The following SNTB1 variants were observed in gnomAD, a reference collection of about 807,000 sequenced individuals.
The protein encoded by SNTB1 is syntrophin beta 1.
In SNTB1, 36 loss-of-function variants were observed where a neutral mutation model predicts 48.9. The ratio of observed to expected loss-of-function variants is 0.74; its 90% CI spans 0.56 to 0.97. SNTB1 has a LOEUF of 0.97. Ranked by LOEUF, SNTB1 falls within the 50% of genes least tolerant of loss-of-function variation. The probability of loss-of-function intolerance (pLI) is 0.00; values close to 1 mark genes in which losing one functional copy is unlikely to be tolerated. For missense variants in SNTB1, 786 were observed against 703.4 expected (o/e 1.12, Z -1.33); for synonymous variants, 299 against 294.6 (o/e 1.01, Z -0.15).
At chr8:120,693,607 A>T in intron 2 of SNTB1, 85 bp downstream of exon 2, 1 of 1,130,886 alleles carries the variant, frequency 8.8e-7, no homozygotes, top group African/African-American at 1.5e-5. Context: ...TTTTCAGAAC[A>T]TGAGGGCAAT....
chr8:120,659,103 A>C, intron 2 of SNTB1, among the ~76,000 whole-genome samples: 1 of 151,998 alleles, frequency 6.6e-6, no homozygotes, highest in Non-Finnish European at 1.5e-5. Flanking sequence ...AGCTGGGACT[A>C]TAGGCGCACG....
At chr8:120,582,302 G>A (rs1255223023) in intron 3 of SNTB1, among the ~76,000 whole-genome samples, 1 of 151,700 alleles carries the variant, frequency 6.6e-6, no homozygotes, top group Non-Finnish European at 1.5e-5. Context: ...AGAAGAAATG[G>A]GCAATTAATG....
chr8:120,607,657 G>A (rs1464717631), intron 3 of SNTB1, among the ~76,000 whole-genome samples: 1 of 152,172 alleles, frequency 6.6e-6, no homozygotes, highest in Admixed American at 6.5e-5. Flanking sequence ...CATTTTAAAT[G>A]AGTAGCTGAA....
chr8:120,628,950 G>A (rs1459418523), intron 3 of SNTB1, among the ~76,000 whole-genome samples: 1 of 152,050 alleles, frequency 6.6e-6, no homozygotes. Flanking sequence ...CTTGAGTCCA[G>A]GAGTTCCAGC....
chr8:120,729,475 G>A (rs1818817294), intron 1 of SNTB1, among the ~76,000 whole-genome samples: 1 of 152,164 alleles, frequency 6.6e-6, no homozygotes, highest in Non-Finnish European at 1.5e-5. Flanking sequence ...ATATATATGT[G>A]CTTGTATATG....
At chr8:120,640,344 T>C (rs1250222438) in intron 2 of SNTB1, among the ~76,000 whole-genome samples, 1 of 152,244 alleles carries the variant, frequency 6.6e-6, no homozygotes, top group East Asian at 1.9e-4. Flanking sequence ...TTTGACTTCA[T>C]CATTTCCTAA....
chr8:120,592,256 G>A (rs1180408343), intron 3 of SNTB1, among the ~76,000 whole-genome samples: 1 of 151,934 alleles, frequency 6.6e-6, no homozygotes, highest in Admixed American at 6.6e-5. Context: ...ATCACGGCAT[G>A]CTGCAGCCTC....
Position 120,811,827 on chromosome 8 carries a change from G to A in SNTB1, c.17C>T (p.Ala6Val), listed in dbSNP as rs770137703. MAVAA[A>V]AAAAGPAGAG... ...GCCAGCCGGCCCAGCCGCCGCCGCC[G>A]CCGCCGCTACCGCCATCTTTCCGGC... The change falls in exon 1 of 7, where the codon GCG becomes GTG. Residue 6 changes from alanine to valine, a missense_variant. Transcript: ENST00000517992. 1.5e-6 allele frequency: 2 copies of A among 1,349,940 alleles called. No homozygotes were observed. The highest frequency in any genetic ancestry group is 2.1e-5 in the South Asian group (1 of 47,086). 83.6% of individuals were successfully genotyped at this position (1,349,940 alleles called of 1,614,324 possible). A position where few individuals can be genotyped will look rare whatever the true frequency, so the allele number is the denominator to read the frequency against.
At chr8:120,587,886 C>T (rs1413151972) in intron 3 of SNTB1, among the ~76,000 whole-genome samples, 1 of 152,132 alleles carries the variant, frequency 6.6e-6, no homozygotes, top group Admixed American at 6.5e-5. Flanking sequence ...CTCCAAAGGG[C>T]CATTTCAGTT....
chr8:120,564,152 T>C lies in SNTB1; in HGVS notation c.1136+10934A>G, dbSNP rs546123996. 2.6e-5 allele frequency among the ~76,000 whole-genome samples: 4 copies of C among 151,744 alleles called. No homozygotes were observed. The East Asian group carries it at 7.7e-4, about 29-fold the overall frequency. ...AGAATTATGTACATAGGTCATTGAA[T>C]GGCATTGTGCCTCTTTCCACCCAAT... On this transcript the variant is annotated intron_variant, in intron 4 of 6. Coordinates refer to ENST00000517992, the MANE Select transcript of SNTB1 (RefSeq NM_021021.4).
intron 4 of SNTB1, among the ~76,000 whole-genome samples, chr8:120,567,117 A>G (rs532268112): frequency 1.3e-5 from 2 of 152,328 alleles, no homozygotes; most frequent in Non-Finnish European, 2.9e-5. Flanking sequence ...TCAGTTCCTC[A>G]GTTAACTGAT....
At chr8:120,617,596 A>T (rs1816735564) in intron 3 of SNTB1, among the ~76,000 whole-genome samples, 1 of 152,192 alleles carries the variant, frequency 6.6e-6, no homozygotes, top group African/African-American at 2.4e-5. Context: ...AATGCTGTTG[A>T]ATTATTTTCC....
intron 1 of SNTB1, among the ~76,000 whole-genome samples, chr8:120,801,999 G>T (rs760706019): frequency 6.6e-6 from 1 of 152,002 alleles, no homozygotes; most frequent in Non-Finnish European, 1.5e-5. Flanking sequence ...TAACCCTTTG[G>T]TGTCCCAACT....
intron 6 of SNTB1, among the ~76,000 whole-genome samples, chr8:120,539,876 G>A (rs1473971909): frequency 2.0e-5 from 3 of 152,132 alleles, no homozygotes; most frequent in Non-Finnish European, 4.4e-5. Context: ...TCCCAATGAA[G>A]AAGCTATTGT....
At chr8:120,585,702 C>A (rs890695596) in intron 3 of SNTB1, among the ~76,000 whole-genome samples, 4 of 151,288 alleles carry the variant, frequency 2.6e-5, no homozygotes, top group African/African-American at 9.7e-5. Context: ...TCTATCAATT[C>A]AGTTTGCATG....
chr8:120,727,048 G>T (rs1347360725), intron 1 of SNTB1, among the ~76,000 whole-genome samples: 1 of 152,194 alleles, frequency 6.6e-6, no homozygotes, highest in African/African-American at 2.4e-5. Context: ...AGAAGGCAAG[G>T]ATGTTCTCCA....
At chr8:120,789,496 TA>T (rs1218349245) in intron 1 of SNTB1, among the ~76,000 whole-genome samples, 3 of 151,886 alleles carry the variant, frequency 2.0e-5, no homozygotes, top group African/African-American at 7.2e-5. Context: ...CTTGCTAGAT[TA>T]ACCAAGAAGA....
chr8:120,776,645 G>A (rs766910298), intron 1 of SNTB1: 1 of 152,170 alleles, frequency 6.6e-6, no homozygotes, highest in Non-Finnish European at 1.5e-5. Flanking sequence ...ACAATGTCAA[G>A]AGTCTTAATG....
At chr8:120,555,511 G>A (rs1009454885) in intron 4 of SNTB1, among the ~76,000 whole-genome samples, 21 of 152,182 alleles carry the variant, frequency 1.4e-4, no homozygotes, top group Non-Finnish European at 2.5e-4. Flanking sequence ...GCAGAGAAGG[G>A]AAGATAGAGC....
Sources: allele counts gnomAD v4.1 joint callset (sites outside exome capture counted in the v4.1 genomes callset), GRCh38; gene constraint gnomAD v4.1.1; transcripts MANE v1.5; gene names NCBI Gene and HGNC (gene_info 2026-07-23, HGNC 2026-07-21).